RGS7: variants seen among roughly 807,000 people sequenced by gnomAD.
The protein encoded by RGS7 is regulator of G-protein signaling 7.
RGS7 carries 27 observed loss-of-function variants against 81.1 expected under a neutral mutation model. The ratio of observed to expected loss-of-function variants is 0.33; its 90% CI spans 0.25 to 0.46. The LOEUF is 0.46. Among genes scored for constraint, RGS7 ranks in the 20% least tolerant of loss-of-function variants. RGS7 has a pLI of 1.00. For missense variants in RGS7, 396 were observed against 607.4 expected (o/e 0.65, Z 3.66); for synonymous variants, 208 against 207.7 (o/e 1.00, Z -0.01).
At chr1:241,070,816 C>A (rs1384515235) in intron 3 of RGS7, among the ~76,000 whole-genome samples, 1 of 152,140 alleles carries the variant, frequency 6.6e-6, no homozygotes, top group South Asian at 2.1e-4. Flanking sequence ...GTGGGAGGCG[C>A]CCTGTCTGGA....
chr1:240,792,927 T>C (rs1479337723), intron 18 of RGS7, among the ~76,000 whole-genome samples: 1 of 152,166 alleles, frequency 6.6e-6, no homozygotes, highest in Non-Finnish European at 1.5e-5. Flanking sequence ...AAGAATCTAG[T>C]AGTGCTTGAA....
chr1:240,869,604 C>A (rs1394994798), intron 7 of RGS7, among the ~76,000 whole-genome samples: 1 of 152,198 alleles, frequency 6.6e-6, no homozygotes, highest in South Asian at 2.1e-4. Flanking sequence ...GGGATTCATG[C>A]ACCCACTGTG....
intron 3 of RGS7, among the ~76,000 whole-genome samples, chr1:241,033,838 A>C (rs2060203640): frequency 6.6e-6 from 1 of 152,172 alleles, no homozygotes. Context: ...GCAAGAAAGA[A>C]GGGTGGGAGA....
chr1:240,793,611 A>ATATATATATATATATATATATATTT, intron 18 of RGS7, among the ~76,000 whole-genome samples: 2 of 78,802 alleles, frequency 2.5e-5, no homozygotes, highest in Admixed American at 1.5e-4. Flanking sequence ...ATATATATAT[A>ATATATATATATATATATATATATTT]TTTTTTTTTT....
At chr1:240,965,445 CCA>C (rs1378537668) in intron 4 of RGS7, among the ~76,000 whole-genome samples, 1 of 152,230 alleles carries the variant, frequency 6.6e-6, no homozygotes, top group Non-Finnish European at 1.5e-5. Context: ...GTGTCCCCAA[CCA>C]CACAACATTA....
At chr1:241,162,256 C>T (rs1001827326) in intron 2 of RGS7, among the ~76,000 whole-genome samples, 1 of 145,140 alleles carries the variant, frequency 6.9e-6, no homozygotes, top group Non-Finnish European at 1.5e-5. Context: ...TGGGCGAGCA[C>T]GCTAAGCATG....
At chr1:240,836,695 G>A (rs1475242597) in intron 9 of RGS7, among the ~76,000 whole-genome samples, 1 of 152,206 alleles carries the variant, frequency 6.6e-6, no homozygotes, top group Non-Finnish European at 1.5e-5. Flanking sequence ...ACGAATCAGA[G>A]CATTTCCAAC....
intron 2 of RGS7, among the ~76,000 whole-genome samples, chr1:241,270,386 A>G (rs1385100804): frequency 6.6e-6 from 1 of 152,228 alleles, no homozygotes; most frequent in Non-Finnish European, 1.5e-5. Context: ...TTACCTTGGG[A>G]TGCAGAAATA....
In RGS7 at chr1:240,952,955, T is replaced by C. The variant is rs987943554; in HGVS notation, c.227-16249A>G. Among the ~76,000 whole-genome samples, 3 of 151,948 alleles carry C rather than the reference T, an allele frequency of 2.0e-5. No individual in the cohort carries two copies. In the South Asian group the frequency reaches 6.2e-4, roughly 31 times the overall value. On this transcript the variant is annotated intron_variant, in intron 4 of 18. Transcript: ENST00000440928. The stretch of plus-strand genomic sequence containing the variant: ...TAACAAGCAAGTTTATCAGGGATAA[T>C]GGAAAGCATTATCTAAAGAGATCAA...
intron 3 of RGS7, among the ~76,000 whole-genome samples, chr1:241,047,416 T>TTC (rs1462331714): frequency 6.6e-6 from 1 of 152,106 alleles, no homozygotes; most frequent in Non-Finnish European, 1.5e-5. Context: ...CCCACCTTTC[T>TTC]TCTCTCTCTC....
chr1:240,948,764 A>G (rs150194028), intron 4 of RGS7, among the ~76,000 whole-genome samples: 2,854 of 151,526 alleles, frequency 0.019, 49 homozygotes, highest in African/African-American at 0.038. Flanking sequence ...ATGTTTTTTA[A>G]ACGTAATATT....
chr1:241,055,774 C>G (rs2061447870), intron 3 of RGS7, among the ~76,000 whole-genome samples: 1 of 152,192 alleles, frequency 6.6e-6, no homozygotes, highest in Admixed American at 6.5e-5. Context: ...AGTTCTAACT[C>G]TTTAATTACT....
chr1:241,289,103 A>G (rs191652483), intron 2 of RGS7, among the ~76,000 whole-genome samples: 6 of 152,342 alleles, frequency 3.9e-5, no homozygotes, highest in South Asian at 4.1e-4. Context: ...CTTTGCCTCC[A>G]GTAAGGAATG....
chr1:241,304,144 C>T lies in RGS7; in HGVS notation c.78+51555G>A, dbSNP rs146305212. 2.4e-4 allele frequency among the ~76,000 whole-genome samples: 37 copies of T among 152,138 alleles called. 1 individual carries two copies. The highest frequency in any genetic ancestry group is 7.7e-4 in the African/African-American group (32 of 41,506). On this transcript the variant is annotated intron_variant, in intron 2 of 18. Transcript: ENST00000440928. ...TGAGATTTTGCTACGTTGCCCAGCC[C>T]GGGCTCAAACTTCTGAGCTTAAGTC... is the stretch of plus-strand genomic sequence containing the variant.
intron 4 of RGS7, among the ~76,000 whole-genome samples, chr1:240,956,131 A>G (rs948026722): frequency 6.6e-6 from 1 of 152,168 alleles, no homozygotes; most frequent in Non-Finnish European, 1.5e-5. Flanking sequence ...ACACTTGCAC[A>G]AAGCTAACGC....
At chr1:240,995,111 T>G (rs1042074875) in intron 3 of RGS7, among the ~76,000 whole-genome samples, 18 of 152,362 alleles carry the variant, frequency 1.2e-4, no homozygotes, top group Non-Finnish European at 2.2e-4. Context: ...TCATGTGATT[T>G]TTCTATTTTA....
At chr1:241,267,709 T>C (rs1277613574) in intron 2 of RGS7, among the ~76,000 whole-genome samples, 1 of 152,244 alleles carries the variant, frequency 6.6e-6, no homozygotes, top group African/African-American at 2.4e-5. Context: ...ATTTCAACTT[T>C]ATTGTTAAAT....
intron 4 of RGS7, among the ~76,000 whole-genome samples, chr1:240,940,328 A>G (rs1166309112): frequency 6.6e-6 from 1 of 152,138 alleles, no homozygotes; most frequent in East Asian, 1.9e-4. Context: ...TACATGTAAA[A>G]CTAATAAAAT....
chr1:241,199,844 C>T (rs949149579), intron 2 of RGS7, among the ~76,000 whole-genome samples: 4 of 152,262 alleles, frequency 2.6e-5, no homozygotes, highest in African/African-American at 9.6e-5. Context: ...AGAAAAACTA[C>T]TGCTATCATC....
Sources: allele counts gnomAD v4.1 joint callset (sites outside exome capture counted in the v4.1 genomes callset), GRCh38; gene constraint gnomAD v4.1.1; transcripts MANE v1.5; gene names NCBI Gene and HGNC (gene_info 2026-07-23, HGNC 2026-07-21).